The following KCTD3 variants were observed in gnomAD, a reference collection of about 807,000 sequenced individuals.
KCTD3 encodes BTB/POZ domain-containing protein KCTD3.
Under a neutral mutation model 85.8 loss-of-function variants are expected in KCTD3, and 41 were observed. That is an observed-to-expected ratio of 0.48 (90% CI 0.37 to 0.62). The LOEUF (loss-of-function observed/expected upper bound fraction) is 0.62. KCTD3 is among the 20% of genes least tolerant of loss of function. The pLI, the probability that KCTD3 is intolerant of heterozygous loss-of-function variation, is 0.00. For missense variants in KCTD3, 724 were observed against 989.9 expected (o/e 0.73, Z 3.60); for synonymous variants, 338 against 345.4 (o/e 0.98, Z 0.24).
chr1:215,579,842 C>T, intron 7 of KCTD3, 67 bp from the exon 8 acceptor site: 1 of 1,087,024 alleles, frequency 9.2e-7, no homozygotes, highest in Non-Finnish European at 1.4e-6. Context: ...CTGAAACTGG[C>T]CTGGTGGCTG....
rs765378411 is a variant in KCTD3 at position 215,611,814 on chromosome 1, T to C, written c.1466-11T>C. On this transcript the variant is annotated splice_polypyrimidine_tract_variant and intron_variant, in intron 14 of 17. Coordinates refer to ENST00000259154, the MANE Select transcript of KCTD3 (RefSeq NM_016121.5). ...TAATTAATTTTTTGACATTTTTGTT[T>C]TCTGATCAAGGACCTTTTGGAGAGC... is the stretch of plus-strand genomic sequence containing the variant. 7.0e-6 allele frequency: 11 copies of C among 1,561,106 alleles called. No homozygotes were observed. Among genetic ancestry groups the C allele is most frequent in the Middle Eastern group, 1.7e-4 (1 of 5,906 alleles).
At chr1:215,617,414 T>C (rs1426778163) in intron 15 of KCTD3, among the ~76,000 whole-genome samples, 1 of 152,110 alleles carries the variant, frequency 6.6e-6, no homozygotes, top group Non-Finnish European at 1.5e-5. Context: ...TGACAGATAG[T>C]GTCAGAATTA....
At chr1:215,595,817 A>G (rs1660397425) in intron 10 of KCTD3, among the ~76,000 whole-genome samples, 1 of 152,196 alleles carries the variant, frequency 6.6e-6, no homozygotes, top group Non-Finnish European at 1.5e-5. Context: ...AGATGATAGC[A>G]TGCTAAATAC....
rs113501881 is a variant in KCTD3 at position 215,617,591 on chromosome 1, G to A, written c.1563-1295G>A. Among the ~76,000 whole-genome samples, 6 of 151,912 alleles carry A rather than the reference G, an allele frequency of 3.9e-5. 1 individual carries two copies. Among genetic ancestry groups the A allele is most frequent in the African/African-American group, 1.4e-4 (6 of 41,428 alleles). ...AAATTGGTATATTGATTATTTTGAG[G>A]TGAAAACATTAGAGAAATTGTCATT... On this transcript the variant is annotated intron_variant, in intron 15 of 17. Coordinates refer to ENST00000259154, the MANE Select transcript of KCTD3 (RefSeq NM_016121.5).
chr1:215,580,754 G>C (rs186776895), intron 8 of KCTD3, among the ~76,000 whole-genome samples: 3 of 152,134 alleles, frequency 2.0e-5, no homozygotes, highest in Non-Finnish European at 2.9e-5. Flanking sequence ...TATCACTGTT[G>C]AGTTCGGTTA....
At chr1:215,568,641 G>C (rs1482794462) in intron 1 of KCTD3, among the ~76,000 whole-genome samples, 4 of 151,940 alleles carry the variant, frequency 2.6e-5, no homozygotes. Flanking sequence ...TTTTAGGCTT[G>C]GTAAGGAGAT....
At chr1:215,616,129 A>G (rs1286827377) in intron 15 of KCTD3, among the ~76,000 whole-genome samples, 1 of 152,198 alleles carries the variant, frequency 6.6e-6, no homozygotes, top group Admixed American at 6.5e-5. Flanking sequence ...GATTGTCTCT[A>G]TGGCTTGCCT....
At chr1:215,574,842 G>A (rs1044936640) in intron 3 of KCTD3, among the ~76,000 whole-genome samples, 26 of 152,218 alleles carry the variant, frequency 1.7e-4, no homozygotes, top group African/African-American at 6.0e-4. Context: ...TTTTATTACT[G>A]GCTGCCATTT....
chr1:215,592,142 C>T (rs975267594), intron 9 of KCTD3, among the ~76,000 whole-genome samples: 1 of 152,170 alleles, frequency 6.6e-6, no homozygotes, highest in Non-Finnish European at 1.5e-5. Context: ...CATGGGGTTC[C>T]TCTCACAACA....
chr1:215,581,692 C>T (rs1231458359), intron 8 of KCTD3, among the ~76,000 whole-genome samples: 6 of 152,194 alleles, frequency 3.9e-5, no homozygotes, highest in Non-Finnish European at 8.8e-5. Flanking sequence ...CACGATCTTT[C>T]TGTGCTTTCA....
intron 1 of KCTD3, among the ~76,000 whole-genome samples, chr1:215,571,337 G>T (rs1159859110): frequency 6.6e-6 from 1 of 152,066 alleles, no homozygotes. Context: ...TTTTTCTTAA[G>T]AGTCTATTAA....
At chr1:215,614,536 CTG>C (rs1655359479) in intron 15 of KCTD3, among the ~76,000 whole-genome samples, 1 of 152,154 alleles carries the variant, frequency 6.6e-6, no homozygotes, top group Admixed American at 6.5e-5. Context: ...TCTTTCACCT[CTG>C]TGGTTTGCTG....
intron 3 of KCTD3, among the ~76,000 whole-genome samples, chr1:215,575,465 A>G (rs139687381): frequency 1.2e-4 from 18 of 152,316 alleles, no homozygotes; most frequent in African/African-American, 4.1e-4. Context: ...ACTTTTCTCA[A>G]GTACCCCTGT....
rs763551206 is a variant in KCTD3, at chr1:215,586,646, T to C, written c.778T>C (p.Leu260=). 5.0e-6 allele frequency: 8 copies of C among 1,613,942 alleles called. No individual in the cohort carries two copies. The South Asian group carries it at 5.5e-5, about 11-fold the overall frequency. ...TGTTGCCTCAGAGAGTAGCATCATC[T>C]TGTGGAGTGTTCAGGATGGGGGAAG... ...VAVASESSII[L]WSVQDGGSGS... is the part of the protein sequence containing the mutation. Residue 260 remains leucine, a synonymous_variant, in exon 9 of 18, where the codon TTG becomes CTG. Coordinates refer to ENST00000259154, the MANE Select transcript of KCTD3 (RefSeq NM_016121.5).
intron 9 of KCTD3, among the ~76,000 whole-genome samples, chr1:215,588,057 CG>C (rs1421416569): frequency 1.3e-5 from 2 of 152,168 alleles, no homozygotes; most frequent in African/African-American, 2.4e-5. Flanking sequence ...TCACTTGAAA[CG>C]TTGAATTTTT....
chr1:215,579,158 T>G (rs1415773434), intron 7 of KCTD3, 21 bp downstream of exon 7: 2 of 1,600,320 alleles, frequency 1.2e-6, no homozygotes. Context: ...ATTACAGAAA[T>G]AGAAAAAGAA....
chr1:215,574,831 G>C (rs1482482357), intron 3 of KCTD3, among the ~76,000 whole-genome samples: 5 of 152,176 alleles, frequency 3.3e-5, no homozygotes, highest in African/African-American at 1.2e-4. Context: ...AGTAGGAAGA[G>C]TTTTATTACT....
chr1:215,606,714 T>C (rs1187119072), intron 13 of KCTD3, among the ~76,000 whole-genome samples: 4 of 152,078 alleles, frequency 2.6e-5, no homozygotes, highest in Non-Finnish European at 5.9e-5. Context: ...AAGAGAAATA[T>C]CCTTTTTAAC....
intron 3 of KCTD3, 141 bp downstream of exon 3, chr1:215,574,259 A>G (rs532310701): frequency 6.0e-6 from 3 of 502,454 alleles, no homozygotes; most frequent in East Asian, 3.1e-5. Flanking sequence ...ATTTCTTGTC[A>G]TATGTAGTTT....
Sources: gnomAD v4.1 joint callset for allele counts (sites outside exome capture counted in the v4.1 genomes callset) on GRCh38, gnomAD v4.1.1 for gene constraint, MANE v1.5 for transcripts, NCBI Gene and HGNC (gene_info 2026-07-23, HGNC 2026-07-21) for gene names.